The following ANGPT1 variants were observed in gnomAD, a reference collection of about 807,000 sequenced individuals.
ANGPT1 encodes angiopoietin 1.
In ANGPT1, 17 loss-of-function variants were observed where a neutral mutation model predicts 62.2. The observed-to-expected ratio is 0.27, with a 90% CI of 0.19 to 0.41. The LOEUF (loss-of-function observed/expected upper bound fraction) is 0.41, where lower values mean the gene tolerates loss of function less well. Among genes scored for constraint, ANGPT1 ranks in the 10% least tolerant of loss-of-function variants. The probability of loss-of-function intolerance (pLI) is 1.00; values close to 1 mark genes in which losing one functional copy is unlikely to be tolerated. For missense variants in ANGPT1, 478 were observed against 594.9 expected (o/e 0.80, Z 2.04); for synonymous variants, 199 against 198.9 (o/e 1.00, Z 0.00).
intron 1 of ANGPT1, among the ~76,000 whole-genome samples, chr8:107,442,500 G>A (rs1811508000): frequency 6.6e-6 from 1 of 152,072 alleles, no homozygotes; most frequent in Non-Finnish European, 1.5e-5. Context: ...GATTTTTCAA[G>A]AAAGAAGTGT....
At chr8:107,354,408 A>G (rs1420965801) in intron 1 of ANGPT1, among the ~76,000 whole-genome samples, 2 of 152,130 alleles carry the variant, frequency 1.3e-5, no homozygotes, top group Non-Finnish European at 2.9e-5. Flanking sequence ...TGGAGAAATC[A>G]CTTAAACACT....
chr8:107,385,186 A>T (rs1816709939), intron 1 of ANGPT1, among the ~76,000 whole-genome samples: 1 of 152,034 alleles, frequency 6.6e-6, no homozygotes, highest in Admixed American at 6.6e-5. Context: ...TGGTAGTTTG[A>T]TAAGAATAGC....
intron 3 of ANGPT1, among the ~76,000 whole-genome samples, chr8:107,330,678 G>A (rs1367875121): frequency 6.6e-6 from 1 of 152,076 alleles, no homozygotes; most frequent in African/African-American, 2.4e-5. Context: ...AAGAATTCAT[G>A]GCAGCTTGAC....
intron 1 of ANGPT1, among the ~76,000 whole-genome samples, chr8:107,382,394 A>G (rs991489274): frequency 2.0e-5 from 3 of 152,232 alleles, no homozygotes; most frequent in East Asian, 1.9e-4. Context: ...TGTAAATCCC[A>G]TATTTGTCAC....
At chr8:107,301,108 T>A (rs1814577126) in intron 5 of ANGPT1, among the ~76,000 whole-genome samples, 1 of 151,926 alleles carries the variant, frequency 6.6e-6, no homozygotes, top group African/African-American at 2.4e-5. Context: ...GCTGTATTTG[T>A]ACTGCACCCC....
At chr8:107,442,300 A>T (rs1811501433) in intron 1 of ANGPT1, among the ~76,000 whole-genome samples, 1 of 152,234 alleles carries the variant, frequency 6.6e-6, no homozygotes, top group Non-Finnish European at 1.5e-5. Context: ...AAAGGAAAAG[A>T]ATACATTTGG....
At chr8:107,360,552 G>C (rs1256653626) in intron 1 of ANGPT1, among the ~76,000 whole-genome samples, 1 of 152,150 alleles carries the variant, frequency 6.6e-6, no homozygotes. Context: ...TGTTTTGTTT[G>C]ACTAGCACAT....
At chr8:107,492,308 C>T (rs1301597612) in intron 1 of ANGPT1, among the ~76,000 whole-genome samples, 1 of 152,206 alleles carries the variant, frequency 6.6e-6, no homozygotes, top group East Asian at 1.9e-4. Context: ...CGTTTAGTGA[C>T]AAATTATTAA....
At chr8:107,376,707 T>C (rs1361190256) in intron 1 of ANGPT1, among the ~76,000 whole-genome samples, 1 of 152,190 alleles carries the variant, frequency 6.6e-6, no homozygotes, top group Non-Finnish European at 1.5e-5. Context: ...ATTTGAATTT[T>C]ATCCCACTGA....
At chr8:107,440,277 A>T (rs571943818) in intron 1 of ANGPT1, among the ~76,000 whole-genome samples, 1 of 152,294 alleles carries the variant, frequency 6.6e-6, no homozygotes, top group African/African-American at 2.4e-5. Flanking sequence ...CACTATTTTA[A>T]TTACATTTTT....
At chr8:107,471,077 T>G (rs1812344493) in intron 1 of ANGPT1, among the ~76,000 whole-genome samples, 1 of 152,122 alleles carries the variant, frequency 6.6e-6, no homozygotes, top group Non-Finnish European at 1.5e-5. Context: ...ATCATTCTAC[T>G]ATAAAGACAC....
chr8:107,287,278 A>G (rs1412861492), intron 6 of ANGPT1, among the ~76,000 whole-genome samples: 2 of 152,146 alleles, frequency 1.3e-5, no homozygotes, highest in Non-Finnish European at 2.9e-5. Flanking sequence ...AGAAATGGAC[A>G]AGCATTAGCC....
chr8:107,356,824 G>T (rs1411266740), intron 1 of ANGPT1, among the ~76,000 whole-genome samples: 3 of 152,192 alleles, frequency 2.0e-5, no homozygotes, highest in Non-Finnish European at 4.4e-5. Context: ...CATGCGGCAA[G>T]GGCACAGCAT....
intron 1 of ANGPT1, among the ~76,000 whole-genome samples, chr8:107,414,619 G>C (rs966045063): frequency 2.6e-5 from 4 of 152,176 alleles, no homozygotes; most frequent in African/African-American, 9.7e-5. Flanking sequence ...GAGAAAGCAA[G>C]TATGGGGATA....
At chr8:107,312,643 TGGGCTTCTCCTCTGAATACA>T (rs1238232723) in intron 4 of ANGPT1, among the ~76,000 whole-genome samples, 1 of 152,204 alleles carries the variant, frequency 6.6e-6, no homozygotes, top group African/African-American at 2.4e-5. Flanking sequence ...TGGCTCTACA[TGGGCTTCTCCTCTGAATACA>T]GGGCTTCACC....
intron 1 of ANGPT1, among the ~76,000 whole-genome samples, chr8:107,348,879 G>A (rs1815869973): frequency 6.6e-6 from 1 of 152,166 alleles, no homozygotes; most frequent in East Asian, 1.9e-4. Flanking sequence ...AACTTGTCAA[G>A]CCAGAATGTT....
At position 107,497,342 on chromosome 8, in the gene ANGPT1, G is replaced by A; in HGVS notation, c.217C>T (p.His73Tyr). ...TGGGAAGAGAAATCCGGTTCCACGT[G>A]TGGAGCATCTCTCTGCAGAGCGTTT... ...NTNALQRDAP[H>Y]VEPDFSSQKL... The change falls in exon 1 of 9, where the codon CAC becomes TAC. Residue 73 changes from histidine (H) to tyrosine (Y), a missense_variant. His to Tyr is a moderately conservative substitution (Grantham distance 83). Around this residue, in one of 4 missense-constraint regions of ANGPT1, gnomAD observed 343 missense variants for 355.4 expected, o/e 0.97. Coordinates refer to ENST00000517746, the MANE Select transcript of ANGPT1 (RefSeq NM_001146.5). 6.2e-7 allele frequency: 1 copy of A among 1,614,174 alleles called. No individual in the cohort carries two copies. Among genetic ancestry groups the A allele is most frequent in the Non-Finnish European group, 8.5e-7 (1 of 1,180,014 alleles).
chr8:107,329,864 T>A (rs1436090821), intron 3 of ANGPT1, among the ~76,000 whole-genome samples: 1 of 152,046 alleles, frequency 6.6e-6, no homozygotes, highest in African/African-American at 2.4e-5. Flanking sequence ...TCCTAGAAGG[T>A]CACAGCCTAA....
chr8:107,420,741 T>C (rs1435579253), intron 1 of ANGPT1, among the ~76,000 whole-genome samples: 1 of 152,152 alleles, frequency 6.6e-6, no homozygotes, highest in African/African-American at 2.4e-5. Context: ...ATATTGAGTT[T>C]AGAAGTGTCC....
Sources: allele counts gnomAD v4.1 joint callset (sites outside exome capture counted in the v4.1 genomes callset), GRCh38; gene constraint gnomAD v4.1.1; regional missense constraint gnomAD v4.1.1; transcripts MANE v1.5; gene names NCBI Gene and HGNC (gene_info 2026-07-23, HGNC 2026-07-21).